NCALD: variants seen among roughly 807,000 people sequenced by gnomAD.
NCALD encodes the protein neurocalcin-delta.
In NCALD, 10 loss-of-function variants were observed where a neutral mutation model predicts 18.6. The ratio of observed to expected loss-of-function variants is 0.54; its 90% CI spans 0.33 to 0.91. NCALD has a LOEUF of 0.91. NCALD is among the 40% of genes least tolerant of loss of function. The pLI, the probability that NCALD is intolerant of heterozygous loss-of-function variation, is 0.03. For missense variants in NCALD, 184 were observed against 247.6 expected, an observed-to-expected ratio of 0.74 and a Z score of 1.72; for synonymous variants, 88 against 87.4, an observed-to-expected ratio of 1.01 and a Z score of -0.04.
At chr8:102,092,916 C>G (rs1468474126) in intron 1 of NCALD, among the ~76,000 whole-genome samples, 2 of 152,202 alleles carry the variant, frequency 1.3e-5, no homozygotes, top group African/African-American at 4.8e-5. Context: ...CTCTACGCCT[C>G]CATTGGACTA....
At chr8:101,811,861 A>C (rs1409914761) in intron 4 of NCALD, among the ~76,000 whole-genome samples, 1 of 152,216 alleles carries the variant, frequency 6.6e-6, no homozygotes, top group Admixed American at 6.5e-5. Flanking sequence ...TTACAAAAGG[A>C]CTTAAATTGC....
chr8:101,890,322 T>G (rs1205971713), intron 3 of NCALD, among the ~76,000 whole-genome samples: 1 of 152,156 alleles, frequency 6.6e-6, no homozygotes, highest in Admixed American at 6.5e-5. Flanking sequence ...GGGTAGAAAT[T>G]GATATAACCA....
chr8:101,934,858 T>C (rs1246159409), intron 2 of NCALD, among the ~76,000 whole-genome samples: 2 of 152,052 alleles, frequency 1.3e-5, no homozygotes, highest in African/African-American at 4.8e-5. Flanking sequence ...AGAGATAAGA[T>C]TTAAATACAC....
chr8:101,782,501 C>G (rs529262858), intron 1 of NCALD, among the ~76,000 whole-genome samples: 1 of 152,280 alleles, frequency 6.6e-6, no homozygotes, highest in East Asian at 1.9e-4. Context: ...CTTTCCCCAG[C>G]TTCCTAGTGT....
At chr8:101,880,886 A>C (rs536235597) in intron 4 of NCALD, among the ~76,000 whole-genome samples, 1 of 152,162 alleles carries the variant, frequency 6.6e-6, no homozygotes, top group Admixed American at 6.5e-5. Flanking sequence ...AAGGGAGGTA[A>C]TGGAGATAAA....
chr8:101,952,709 G>T (rs1244058494), intron 2 of NCALD, among the ~76,000 whole-genome samples: 2 of 152,220 alleles, frequency 1.3e-5, no homozygotes, highest in Non-Finnish European at 1.5e-5. Flanking sequence ...AACACAGTGG[G>T]AAAGATTTGA....
chr8:102,122,695 C>T (rs923692888), intron 1 of NCALD, among the ~76,000 whole-genome samples: 2 of 152,198 alleles, frequency 1.3e-5, no homozygotes, highest in African/African-American at 4.8e-5. Flanking sequence ...CAACCTCATG[C>T]CTCACATCAG....
At chr8:101,899,293 G>T (rs751020375) in intron 3 of NCALD, among the ~76,000 whole-genome samples, 6 of 151,830 alleles carry the variant, frequency 4.0e-5, no homozygotes, top group Non-Finnish European at 8.8e-5. Context: ...TTTCTTTATA[G>T]ATTCCATTGA....
intron 4 of NCALD, among the ~76,000 whole-genome samples, chr8:101,842,642 T>A (rs1343762900): frequency 1.3e-5 from 2 of 152,234 alleles, no homozygotes; most frequent in Admixed American, 1.3e-4. Context: ...GTGCCAGTGA[T>A]CTTCCTCTTA....
At chr8:102,106,280 G>C (rs1475568978) in intron 1 of NCALD, among the ~76,000 whole-genome samples, 2 of 151,642 alleles carry the variant, frequency 1.3e-5, no homozygotes, top group Non-Finnish European at 2.9e-5. Flanking sequence ...CACCATGTTG[G>C]CCAGGCTGGT....
intron 2 of NCALD, among the ~76,000 whole-genome samples, chr8:101,996,570 C>T (rs957393218): frequency 1.2e-4 from 19 of 152,158 alleles, no homozygotes; most frequent in African/African-American, 4.1e-4. Flanking sequence ...AGAGGCAGAT[C>T]CTGATAAATA....
intron 4 of NCALD, among the ~76,000 whole-genome samples, chr8:101,818,681 T>C (rs1272156624): frequency 6.6e-6 from 1 of 152,176 alleles, no homozygotes. Flanking sequence ...CAGTTGCTTC[T>C]AGATTTTCCC....
At chr8:101,788,158 G>A (rs1482950172) in intron 1 of NCALD, among the ~76,000 whole-genome samples, 4 of 152,164 alleles carry the variant, frequency 2.6e-5, no homozygotes, top group Non-Finnish European at 4.4e-5. Context: ...AATAAAATCC[G>A]ATGCGGTGGA....
At chr8:102,061,776 G>A (rs150933559) in intron 1 of NCALD, among the ~76,000 whole-genome samples, 79 of 152,230 alleles carry the variant, frequency 5.2e-4, no homozygotes, top group African/African-American at 1.6e-3. Flanking sequence ...ATTTTCAGCC[G>A]TGCATAAATA....
intron 3 of NCALD, among the ~76,000 whole-genome samples, chr8:101,902,774 CT>C (rs1378840155): frequency 2.0e-5 from 3 of 152,160 alleles, no homozygotes; most frequent in African/African-American, 7.2e-5. Flanking sequence ...CTAATTTCTG[CT>C]TGCTTACCTG....
intron 2 of NCALD, among the ~76,000 whole-genome samples, chr8:101,970,731 T>C (rs1447511312): frequency 2.0e-5 from 3 of 152,144 alleles, no homozygotes; most frequent in Non-Finnish European, 2.9e-5. Context: ...TCAACTGTGT[T>C]TGCTACAATG....
chr8:101,887,930 T>C (rs1209508725), intron 3 of NCALD, among the ~76,000 whole-genome samples: 2 of 152,222 alleles, frequency 1.3e-5, no homozygotes, highest in African/African-American at 4.8e-5. Flanking sequence ...TCTTTGTGAA[T>C]TGGCTTCACC....
At chr8:102,073,225 C>T (rs988477517) in intron 1 of NCALD, among the ~76,000 whole-genome samples, 3 of 152,198 alleles carry the variant, frequency 2.0e-5, no homozygotes, top group East Asian at 1.9e-4. Context: ...TGCTTGAAGC[C>T]GGGAGGCAGA....
In NCALD at chr8:101,694,779, G is replaced by A. The variant is rs1310056146; in HGVS notation, c.379-1883C>T. Among the ~76,000 whole-genome samples the A allele has an allele frequency of 2.0e-5, 3 of 152,186 alleles. No homozygotes were observed. The East Asian group carries it at 5.8e-4, about 29-fold the overall frequency. ...CTGCTCCACCAACTGTGCTGGGGCTGTAGTGCCATGTGCCTCACTGCCGGG... is the reference window on the plus strand; with the variant it reads ...CTGCTCCACCAACTGTGCTGGGGCTATAGTGCCATGTGCCTCACTGCCGGG... On this transcript the variant is annotated intron_variant, in intron 2 of 3. Coordinates refer to ENST00000220931, the MANE Select transcript of NCALD (RefSeq NM_032041.3).
Sources: gnomAD v4.1 joint callset for allele counts (sites outside exome capture counted in the v4.1 genomes callset) on GRCh38, gnomAD v4.1.1 for gene constraint, MANE v1.5 for transcripts, NCBI Gene and HGNC (gene_info 2026-07-23, HGNC 2026-07-21) for gene names.